The following STAP1 variants were observed in gnomAD, a reference collection of about 807,000 sequenced individuals.
STAP1 encodes the protein signal-transducing adaptor protein 1.
STAP1 carries 30 observed loss-of-function variants against 37.8 expected under a neutral mutation model. That is an observed-to-expected ratio of 0.79 (90% CI 0.59 to 1.08). The LOEUF is 1.08. Among genes scored for constraint, STAP1 ranks in the 50% least tolerant of loss-of-function variants. The pLI, the probability that STAP1 is intolerant of heterozygous loss-of-function variation, is 0.00. For synonymous variants in STAP1, 130 were observed against 116.0 expected (o/e 1.12, Z -0.78); for missense variants, 357 against 349.4 (o/e 1.02, Z -0.17).
chr4:67,564,535 T>C (rs1223180546), intron 1 of STAP1, among the ~76,000 whole-genome samples: 2 of 152,144 alleles, frequency 1.3e-5, no homozygotes, highest in South Asian at 2.1e-4. Context: ...TGAGGCTGAT[T>C]AGGACGATGA....
rs62301133 is a variant in STAP1, at chr4:67,569,552, T to C, written c.121-1532T>C. On this transcript the variant is annotated intron_variant, in intron 1 of 8. Coordinates refer to ENST00000265404, the MANE Select transcript of STAP1 (RefSeq NM_012108.4). ...AACACATTGTACAGCTCTGCAAAAATATTTTATTTCTTTATATCCTTATTC... is the reference window on the plus strand; with the variant it reads ...AACACATTGTACAGCTCTGCAAAAACATTTTATTTCTTTATATCCTTATTC... 8.8e-3 allele frequency among the ~76,000 whole-genome samples: 1,337 copies of C among 152,290 alleles called. 16 individuals carry two copies. Among genetic ancestry groups the C allele is most frequent in the Non-Finnish European group, 0.014 (935 of 68,016 alleles).
chr4:67,572,572 C>T (rs1727630162), intron 2 of STAP1, among the ~76,000 whole-genome samples: 1 of 152,150 alleles, frequency 6.6e-6, no homozygotes, highest in Non-Finnish European at 1.5e-5. Flanking sequence ...TCTCCTGCCG[C>T]AGAGTGTTGG....
At position 67,577,546 on chromosome 4, in the gene STAP1, G is replaced by A. The variant is rs145810735; in HGVS notation, c.363+287G>A. Among the ~76,000 whole-genome samples, 16 of 151,970 alleles carry A rather than the reference G, an allele frequency of 1.1e-4. No individual in the cohort carries two copies. In the East Asian group the frequency reaches 2.9e-3, roughly 28 times the overall value. On this transcript the variant is annotated intron_variant, in intron 4 of 8. Transcript: ENST00000265404. Reference sequence around the variant, plus strand: ...GGTGGTAAAGGAGATCTACTTTTTGGTCTTATCTGTTTGACTCAGTGGTCC... The same window carrying A: ...GGTGGTAAAGGAGATCTACTTTTTGATCTTATCTGTTTGACTCAGTGGTCC...
At chr4:67,589,164 CTG>C (rs1191122809) in intron 6 of STAP1, among the ~76,000 whole-genome samples, 1 of 152,154 alleles carries the variant, frequency 6.6e-6, no homozygotes, top group African/African-American at 2.4e-5. Flanking sequence ...TCAAAAGTAA[CTG>C]TGTGATTACA....
At chr4:67,577,111 A>C in intron 3 of STAP1, 92 bp from the exon 4 acceptor site, 1 of 1,149,986 alleles carries the variant, frequency 8.7e-7, no homozygotes, top group Admixed American at 2.6e-5. Flanking sequence ...AAAATGAATT[A>C]TTTTTTAGGC....
chr4:67,566,773 C>G (rs540931707), intron 1 of STAP1, among the ~76,000 whole-genome samples: 2 of 152,062 alleles, frequency 1.3e-5, no homozygotes, highest in Non-Finnish European at 2.9e-5. Flanking sequence ...TGTTAGAGAC[C>G]AGCCTGCCCA....
At chr4:67,588,090 C>CAGCATCAGGAAATCTTAATAT (rs1728029957) in intron 6 of STAP1, among the ~76,000 whole-genome samples, 1 of 142,018 alleles carries the variant, frequency 7.0e-6, no homozygotes, top group African/African-American at 2.6e-5. Context: ...GTTTTGAGGT[C>CAGCATCAGGAAATCTTAATAT]AGCATCAGGA....
At chr4:67,566,204 T>A (rs1204571907) in intron 1 of STAP1, among the ~76,000 whole-genome samples, 2 of 152,070 alleles carry the variant, frequency 1.3e-5, no homozygotes, top group Non-Finnish European at 2.9e-5. Context: ...CGCCTCGGCC[T>A]CCCAAAGTAC....
chr4:67,563,913 A>G (rs1727407120), intron 1 of STAP1, among the ~76,000 whole-genome samples: 1 of 149,616 alleles, frequency 6.7e-6, no homozygotes, highest in Admixed American at 6.8e-5. Flanking sequence ...CTTTTCTTAC[A>G]TCAATGATTT....
intron 5 of STAP1, among the ~76,000 whole-genome samples, chr4:67,582,379 G>T (rs1256114962): frequency 6.6e-6 from 1 of 151,440 alleles, no homozygotes; most frequent in Non-Finnish European, 1.5e-5. Context: ...CACGATCTCA[G>T]CTCACTGCAA....
intron 6 of STAP1, among the ~76,000 whole-genome samples, chr4:67,585,506 T>C (rs1727961200): frequency 1.3e-5 from 2 of 152,250 alleles, no homozygotes; most frequent in Admixed American, 6.5e-5. Context: ...TGTTAGATGG[T>C]AAATCAGGTC....
Position 67,585,140 on chromosome 4 carries a change from A to G in STAP1, c.659+1438A>G, listed in dbSNP as rs1300916077. ...AATTTAAATATCAAGGTTATGTCCT[A>G]CATAAAAATGTTCAGTAAATGACTT... On this transcript the variant is annotated intron_variant, in intron 6 of 8. Transcript: ENST00000265404. Among the ~76,000 whole-genome samples the G allele has an allele frequency of 4.6e-5, 7 of 152,228 alleles. No homozygotes were observed. The East Asian group carries it at 1.3e-3, about 29-fold the overall frequency.
intron 6 of STAP1, among the ~76,000 whole-genome samples, chr4:67,587,719 CTTT>C (rs34808968): frequency 0.25 from 32,089 of 127,652 alleles, 3,607 homozygotes; most frequent in Middle Eastern, 0.34. Context: ...TTCTTTCTTT[CTTT>C]TTTTTTTTTT....
At chr4:67,560,630 C>T (rs1448393332) in intron 1 of STAP1, among the ~76,000 whole-genome samples, 1 of 121,744 alleles carries the variant, frequency 8.2e-6, no homozygotes, top group African/African-American at 2.9e-5. Context: ...AGTAAAGTAT[C>T]TTTGTGTGTG....
chr4:67,572,314 C>G (rs1727622496), intron 2 of STAP1, among the ~76,000 whole-genome samples: 1 of 152,190 alleles, frequency 6.6e-6, no homozygotes, highest in Non-Finnish European at 1.5e-5. Context: ...AAAGATAGTA[C>G]AGAATCCTGA....
chr4:67,579,779 C>T (rs747826996), intron 4 of STAP1, among the ~76,000 whole-genome samples: 8 of 152,138 alleles, frequency 5.3e-5, no homozygotes, highest in Non-Finnish European at 8.8e-5. Flanking sequence ...CCCACCAGGC[C>T]CCACCTCCAA....
chr4:67,560,480 T>G (rs1431540856), intron 1 of STAP1, among the ~76,000 whole-genome samples: 1 of 152,230 alleles, frequency 6.6e-6, no homozygotes, highest in Non-Finnish European at 1.5e-5. Context: ...TTCAAGAGGC[T>G]TAATATAGTA....
chr4:67,579,497 A>G (rs1727801776), intron 4 of STAP1, among the ~76,000 whole-genome samples: 1 of 152,150 alleles, frequency 6.6e-6, no homozygotes, highest in South Asian at 2.1e-4. Context: ...TAATTTGTAA[A>G]GAAAAGAGGT....
intron 8 of STAP1, among the ~76,000 whole-genome samples, 162 bp downstream of exon 8, chr4:67,593,518 T>C (rs545191382): frequency 9.9e-5 from 15 of 152,264 alleles, no homozygotes; most frequent in Admixed American, 7.2e-4. Context: ...TCTGTGAAAA[T>C]AGGAAAGTAC....
Sources: allele counts gnomAD v4.1 joint callset (sites outside exome capture counted in the v4.1 genomes callset), GRCh38; gene constraint gnomAD v4.1.1; transcripts MANE v1.5; gene names NCBI Gene and HGNC (gene_info 2026-07-23, HGNC 2026-07-21).